LSAMP: variants seen among roughly 807,000 people sequenced by gnomAD.
LSAMP encodes the protein limbic system associated membrane protein, also known as limbic system-associated membrane protein.
LSAMP carries 7 observed loss-of-function variants against 38.6 expected under a neutral mutation model. That is an observed-to-expected ratio of 0.18 (90% CI 0.10 to 0.34). The LOEUF is 0.34. LSAMP is among the 10% of genes least tolerant of loss of function. The probability of loss-of-function intolerance (pLI) is 1.00; values close to 1 mark genes in which losing one functional copy is unlikely to be tolerated. For synonymous variants in LSAMP, 154 were observed against 166.8 expected (o/e 0.92, Z 0.59); for missense variants, 313 against 420.0 (o/e 0.75, Z 2.23).
chr3:115,869,136 A>G (rs1935945264), intron 3 of LSAMP, among the ~76,000 whole-genome samples: 1 of 152,146 alleles, frequency 6.6e-6, no homozygotes, highest in Non-Finnish European at 1.5e-5. Flanking sequence ...TCAGAAGTAT[A>G]GTAAAGAATA....
chr3:115,961,900 T>C (rs1938638250), intron 3 of LSAMP, among the ~76,000 whole-genome samples: 1 of 152,216 alleles, frequency 6.6e-6, no homozygotes, highest in East Asian at 1.9e-4. Context: ...CTCTTACTTC[T>C]ATCCGGCAGA....
chr3:116,183,766 A>G (rs1710545066), intron 1 of LSAMP, among the ~76,000 whole-genome samples: 1 of 151,856 alleles, frequency 6.6e-6, no homozygotes, highest in African/African-American at 2.4e-5. Flanking sequence ...CAAAGATTAC[A>G]TTTAAAAGCA....
chr3:115,830,478 T>C (rs1023135560), intron 6 of LSAMP, among the ~76,000 whole-genome samples: 1 of 152,214 alleles, frequency 6.6e-6, no homozygotes, highest in Non-Finnish European at 1.5e-5. Context: ...GGTTGAAATG[T>C]AGGTGTCCTT....
chr3:115,933,100 C>T (rs562903437), intron 3 of LSAMP, among the ~76,000 whole-genome samples: 3 of 152,198 alleles, frequency 2.0e-5, no homozygotes, highest in South Asian at 2.1e-4. Context: ...ATAGACCTCG[C>T]GAAAGGGAGT....
chr3:115,909,624 T>A (rs984536649), intron 3 of LSAMP, among the ~76,000 whole-genome samples: 2 of 152,224 alleles, frequency 1.3e-5, no homozygotes, highest in Non-Finnish European at 2.9e-5. Context: ...TTTATTTAAA[T>A]CAAGAAATGC....
chr3:116,036,055 T>C (rs949921012), intron 2 of LSAMP, among the ~76,000 whole-genome samples: 2 of 152,212 alleles, frequency 1.3e-5, no homozygotes, highest in Non-Finnish European at 2.9e-5. Flanking sequence ...ATGCATAAAC[T>C]GAACTGGACT....
intron 3 of LSAMP, among the ~76,000 whole-genome samples, chr3:115,855,385 A>T (rs912381103): frequency 2.0e-5 from 3 of 152,230 alleles, no homozygotes; most frequent in Non-Finnish European, 4.4e-5. Flanking sequence ...ATAATAAAAC[A>T]TATCCTTATC....
At chr3:115,930,427 C>G (rs1256680303) in intron 3 of LSAMP, among the ~76,000 whole-genome samples, 1 of 152,038 alleles carries the variant, frequency 6.6e-6, no homozygotes, top group Admixed American at 6.6e-5. Flanking sequence ...TATGAGGTGG[C>G]TAACGTGGCT....
At chr3:116,357,061 G>A (rs1268147420) in intron 1 of LSAMP, among the ~76,000 whole-genome samples, 2 of 152,142 alleles carry the variant, frequency 1.3e-5, no homozygotes, top group Admixed American at 1.3e-4. Flanking sequence ...CCAAAGTGCT[G>A]GGATTACAAG....
At chr3:115,933,443 A>T (rs1338752176) in intron 3 of LSAMP, among the ~76,000 whole-genome samples, 1 of 152,198 alleles carries the variant, frequency 6.6e-6, no homozygotes, top group Non-Finnish European at 1.5e-5. Context: ...AGAAGAAAAA[A>T]ATCAACTTAA....
chr3:115,873,073 C>G (rs1259965611), intron 3 of LSAMP, among the ~76,000 whole-genome samples: 1 of 151,940 alleles, frequency 6.6e-6, no homozygotes, highest in Non-Finnish European at 1.5e-5. Context: ...TTAGTGGAAT[C>G]AAGATTTAAA....
intron 3 of LSAMP, among the ~76,000 whole-genome samples, chr3:115,970,517 A>G (rs1209365155): frequency 1.3e-5 from 2 of 152,196 alleles, no homozygotes; most frequent in Non-Finnish European, 2.9e-5. Context: ...GTTAGTCTAC[A>G]AAAGTGAGGG....
chr3:116,043,309 T>G (rs1257332930), intron 2 of LSAMP, among the ~76,000 whole-genome samples: 1 of 152,178 alleles, frequency 6.6e-6, no homozygotes, highest in African/African-American at 2.4e-5. Context: ...AGCATTCTGT[T>G]TACCTTCTTC....
intron 1 of LSAMP, among the ~76,000 whole-genome samples, chr3:116,257,689 G>A (rs2046769497): frequency 6.6e-6 from 1 of 151,982 alleles, no homozygotes; most frequent in African/African-American, 2.4e-5. Context: ...TTTTCTGGTT[G>A]CTTGAATTTA....
chr3:115,999,520 A>G (rs1234021486), intron 3 of LSAMP, among the ~76,000 whole-genome samples: 1 of 152,196 alleles, frequency 6.6e-6, no homozygotes, highest in African/African-American at 2.4e-5. Context: ...GGTTTGAAGG[A>G]TGAGCTTCAG....
intron 1 of LSAMP, among the ~76,000 whole-genome samples, chr3:116,168,834 T>C (rs554065233): frequency 6.6e-6 from 1 of 152,216 alleles, no homozygotes; most frequent in Non-Finnish European, 1.5e-5. Context: ...CAGTTCATTA[T>C]ATATTTCTAA....
intron 3 of LSAMP, among the ~76,000 whole-genome samples, chr3:116,016,694 T>C (rs1165517104): frequency 6.6e-6 from 1 of 152,178 alleles, no homozygotes; most frequent in African/African-American, 2.4e-5. Flanking sequence ...CCATAGAGAA[T>C]TTGTAAATGA....
At chr3:116,136,921 C>G (rs1366341381) in intron 1 of LSAMP, among the ~76,000 whole-genome samples, 1 of 152,114 alleles carries the variant, frequency 6.6e-6, no homozygotes, top group Non-Finnish European at 1.5e-5. Context: ...AAAAATACCA[C>G]AAACTTGGTG....
At chr3:115,826,397 C>T (rs562857680) in intron 6 of LSAMP, among the ~76,000 whole-genome samples, 9 of 152,228 alleles carry the variant, frequency 5.9e-5, no homozygotes, top group Non-Finnish European at 8.8e-5. Flanking sequence ...TGAGCCACCA[C>T]GCCTGGCCTG....
Sources: gnomAD v4.1 joint callset for allele counts (sites outside exome capture counted in the v4.1 genomes callset) on GRCh38, gnomAD v4.1.1 for gene constraint, MANE v1.5 for transcripts, NCBI Gene and HGNC (gene_info 2026-07-23, HGNC 2026-07-21) for gene names.